PTPRD: variants seen among roughly 807,000 people sequenced by gnomAD.
PTPRD encodes receptor-type tyrosine-protein phosphatase delta.
PTPRD carries 34 observed loss-of-function variants against 214.5 expected under a neutral mutation model. The observed-to-expected ratio is 0.16, with a 90% CI of 0.12 to 0.21. The LOEUF (loss-of-function observed/expected upper bound fraction) is 0.21, where lower values mean the gene tolerates loss of function less well. PTPRD is among the 10% of genes least tolerant of loss of function. PTPRD has a pLI of 1.00. For missense variants in PTPRD, 2,545 were observed against 2,398.7 expected, an observed-to-expected ratio of 1.06 and a Z score of -1.27; for synonymous variants, 1,128 against 845.7, an observed-to-expected ratio of 1.33 and a Z score of -5.79.
intron 12 of PTPRD, chr9:8,713,685 G>C (rs2098395636): frequency 6.6e-7 from 1 of 1,513,560 alleles, no homozygotes; most frequent in African/African-American, 1.4e-5. Flanking sequence ...ACTCCATTCA[G>C]ATCATGATGG....
intron 9 of PTPRD, among the ~76,000 whole-genome samples, chr9:9,239,252 C>T (rs1468867411): frequency 6.6e-6 from 1 of 150,404 alleles, no homozygotes; most frequent in East Asian, 1.9e-4. Context: ...GAAACTAACT[C>T]AAAGGCTTTT....
intron 27 of PTPRD, among the ~76,000 whole-genome samples, chr9:8,487,645 T>C (rs2136052687): frequency 6.6e-6 from 1 of 152,124 alleles, no homozygotes; most frequent in Admixed American, 6.5e-5. Context: ...ACCCTGTCTC[T>C]ACAAAAAACA....
At chr9:10,395,305 A>T (rs919457736) in intron 2 of PTPRD, among the ~76,000 whole-genome samples, 2 of 150,446 alleles carry the variant, frequency 1.3e-5, no homozygotes, top group African/African-American at 4.9e-5. Flanking sequence ...CCTGTGTCCA[A>T]GTGTTCTCAT....
intron 42 of PTPRD, 146 bp downstream of exon 42, chr9:8,340,197 C>G: frequency 1.1e-6 from 1 of 938,960 alleles, no homozygotes; most frequent in East Asian, 2.7e-5. Context: ...AATTTAGAAA[C>G]TAACAAGGAA....
chr9:8,764,425 T>C (rs563920155), intron 11 of PTPRD, among the ~76,000 whole-genome samples: 3 of 152,260 alleles, frequency 2.0e-5, no homozygotes, highest in South Asian at 2.1e-4. Context: ...ATTTAAAACA[T>C]CTGGAATTTA....
intron 21 of PTPRD, among the ~76,000 whole-genome samples, chr9:8,513,144 G>A (rs1001631620): frequency 5.3e-5 from 8 of 151,998 alleles, no homozygotes; most frequent in African/African-American, 1.9e-4. Flanking sequence ...GGAGAACTGA[G>A]AAGATTGACC....
At chr9:9,569,069 T>C (rs2085502761) in intron 8 of PTPRD, among the ~76,000 whole-genome samples, 1 of 151,772 alleles carries the variant, frequency 6.6e-6, no homozygotes, top group Non-Finnish European at 1.5e-5. Flanking sequence ...TGCTAGGTAA[T>C]GGCCATTATA....
intron 2 of PTPRD, among the ~76,000 whole-genome samples, chr9:10,518,491 G>A (rs2050872399): frequency 1.3e-5 from 2 of 151,956 alleles, no homozygotes; most frequent in Admixed American, 1.3e-4. Context: ...AGTCAAATGT[G>A]TACAGCTTGG....
intron 36 of PTPRD, among the ~76,000 whole-genome samples, chr9:8,391,374 T>C (rs1282313360): frequency 6.6e-6 from 1 of 152,164 alleles, no homozygotes; most frequent in East Asian, 1.9e-4. Context: ...AATGCATGGT[T>C]GGCTGTAACA....
At chr9:8,995,599 C>T (rs2099393599) in intron 11 of PTPRD, among the ~76,000 whole-genome samples, 1 of 151,936 alleles carries the variant, frequency 6.6e-6, no homozygotes, top group Non-Finnish European at 1.5e-5. Flanking sequence ...ATTCAAGAGA[C>T]CATTTCCATA....
rs74784376 is a variant in PTPRD, at chr9:9,031,409, T to G, written c.-142-12674A>C. ...AGCATAGCCCACTACACAACTCGGC[T>G]ATGCGGTATAGCCTATAGCTCCTAG... is the stretch of plus-strand genomic sequence containing the variant. On this transcript the variant is annotated intron_variant, in intron 10 of 45. Coordinates refer to ENST00000381196, the MANE Select transcript of PTPRD (RefSeq NM_002839.4). 9.9e-5 allele frequency among the ~76,000 whole-genome samples: 15 copies of G among 152,150 alleles called. No homozygotes were observed. In the South Asian group the frequency reaches 3.1e-3, roughly 32 times the overall value.
Position 8,832,141 on chromosome 9 carries a change from C to G in PTPRD, c.-103-98195G>C, listed in dbSNP as rs533473882. Among the ~76,000 whole-genome samples, 4 of 150,106 alleles carry G rather than the reference C, an allele frequency of 2.7e-5. No individual in the cohort carries two copies. In the South Asian group the frequency reaches 8.5e-4, roughly 32 times the overall value. The stretch of plus-strand genomic sequence containing the variant: ...GTGTGTGTGTGTGTGTGTGTATGAT[C>G]TATACATATGTCTGATGACTACCAA... On this transcript the variant is annotated intron_variant, in intron 11 of 45. Coordinates refer to ENST00000381196, the MANE Select transcript of PTPRD (RefSeq NM_002839.4).
intron 31 of PTPRD, 103 bp from the exon 32 acceptor site, chr9:8,465,778 T>C (rs1359761116): frequency 2.1e-6 from 2 of 950,302 alleles, no homozygotes; most frequent in Non-Finnish European, 3.1e-6. Flanking sequence ...ACAACCCAAA[T>C]GCAATTTGTT....
At chr9:10,141,943 A>G (rs2098988323) in intron 3 of PTPRD, among the ~76,000 whole-genome samples, 1 of 152,188 alleles carries the variant, frequency 6.6e-6, no homozygotes, top group South Asian at 2.1e-4. Flanking sequence ...TCAATGGAAC[A>G]GAACAGAGCC....
chr9:10,234,543 A>G (rs1279746585), intron 3 of PTPRD, among the ~76,000 whole-genome samples: 1 of 151,980 alleles, frequency 6.6e-6, no homozygotes, highest in East Asian at 1.9e-4. Context: ...AGCAGTAAGA[A>G]ATTTAACAAC....
intron 2 of PTPRD, among the ~76,000 whole-genome samples, chr9:10,554,168 T>G (rs2061962802): frequency 6.6e-6 from 1 of 152,208 alleles, no homozygotes; most frequent in African/African-American, 2.4e-5. Context: ...CCTTTCTGCA[T>G]GCCGTTAAAC....
chr9:9,834,019 C>T (rs1035916426), intron 5 of PTPRD, among the ~76,000 whole-genome samples: 1 of 152,000 alleles, frequency 6.6e-6, no homozygotes, highest in Non-Finnish European at 1.5e-5. Context: ...GAAGTAAAGA[C>T]AGGCATAGGA....
intron 8 of PTPRD, among the ~76,000 whole-genome samples, chr9:9,465,496 G>A (rs1018703092): frequency 7.9e-5 from 12 of 152,130 alleles, no homozygotes; most frequent in African/African-American, 1.9e-4. Context: ...ACATAAATGG[G>A]TGAGAGCAAT....
intron 9 of PTPRD, among the ~76,000 whole-genome samples, chr9:9,245,679 T>C (rs974092170): frequency 6.6e-6 from 1 of 151,948 alleles, no homozygotes; most frequent in Admixed American, 6.6e-5. Flanking sequence ...AAATGATGAG[T>C]TGATGGGTGC....
Sources: gnomAD v4.1 joint callset for allele counts (sites outside exome capture counted in the v4.1 genomes callset) on GRCh38, gnomAD v4.1.1 for gene constraint, MANE v1.5 for transcripts, NCBI Gene and HGNC (gene_info 2026-07-23, HGNC 2026-07-21) for gene names.